TEX36: variants seen among roughly 807,000 people sequenced by gnomAD.
TEX36 encodes the protein testis expressed 36.
In TEX36, 12 loss-of-function variants were observed where a neutral mutation model predicts 13.6. The ratio of observed to expected loss-of-function variants is 0.88; its 90% CI spans 0.56 to 1.43. The LOEUF (loss-of-function observed/expected upper bound fraction) is 1.43. Among genes scored for constraint, TEX36 ranks in the 40% most tolerant of loss-of-function variants. TEX36 has a pLI of 0.00. For synonymous variants in TEX36, 93 were observed against 83.0 expected (o/e 1.12, Z -0.65); for missense variants, 224 against 228.3 (o/e 0.98, Z 0.12).
chr10:125,619,886 T>C (rs748012961), downstream of TEX36, among the ~76,000 whole-genome samples: 13 of 151,680 alleles, frequency 8.6e-5, no homozygotes, highest in Non-Finnish European at 1.8e-4. Context: ...AATATATATA[T>C]ATATGTGTGC....
In TEX36 at chr10:125,647,522, A is replaced by C. The variant is rs1846788574; in HGVS notation, c.264+13499T>G. On this transcript the variant is annotated intron_variant, in intron 3 of 3. Coordinates refer to the TEX36 transcript ENST00000526819. ...AACAAAAAACAACAAATTAGATAAA[A>C]CACTTGAAATACATTTGACACAGAG... Among the ~76,000 whole-genome samples, 7 of 152,228 alleles carry C rather than the reference A, an allele frequency of 4.6e-5. 1 individual carries two copies. In the South Asian group the frequency reaches 1.4e-3, roughly 32 times the overall value.
intron 3 of TEX36, among the ~76,000 whole-genome samples, chr10:125,603,876 G>T (rs867361597): frequency 2.0e-5 from 3 of 152,144 alleles, no homozygotes; most frequent in Admixed American, 6.5e-5. Context: ...AGAGGGAAAG[G>T]AGGCACTGGC....
chr10:125,601,063 C>T lies in TEX36; in HGVS notation c.265-24189G>A, dbSNP rs569871506. On this transcript the variant is annotated intron_variant, in intron 3 of 3. Transcript: ENST00000532135. ...ATGCATAAGTGTTGATTCAATTTTG[C>T]TCTCTGGTTGAAATAGAAGACTCAG... Among the ~76,000 whole-genome samples, 8 of 152,298 alleles carry T rather than the reference C, an allele frequency of 5.3e-5. No individual in the cohort carries two copies. The South Asian group carries it at 1.2e-3, about 24-fold the overall frequency.
intron 3 of TEX36, among the ~76,000 whole-genome samples, chr10:125,611,631 C>T (rs1225640034): frequency 6.6e-6 from 1 of 151,168 alleles, no homozygotes; most frequent in South Asian, 2.1e-4. Context: ...CTTGCCTAGG[C>T]TTATTGCAAA....
intron 1 of TEX36, among the ~76,000 whole-genome samples, chr10:125,680,138 G>A (rs1044176959): frequency 2.0e-5 from 3 of 152,054 alleles, no homozygotes; most frequent in African/African-American, 7.2e-5. Flanking sequence ...TATTTTTAGA[G>A]GTAAATATAA....
downstream of TEX36, among the ~76,000 whole-genome samples, chr10:125,654,511 T>C (rs1337500328): frequency 6.6e-6 from 1 of 152,184 alleles, no homozygotes; most frequent in Non-Finnish European, 1.5e-5. Context: ...GAAATGCCTA[T>C]CACATTGGCA....
chr10:125,652,239 A>G (rs1003098544), downstream of TEX36, among the ~76,000 whole-genome samples: 1 of 152,114 alleles, frequency 6.6e-6, no homozygotes, highest in Non-Finnish European at 1.5e-5. Context: ...CCTAACTTTG[A>G]ACTATACTAC....
In TEX36 at chr10:125,584,018, C is replaced by G. The variant is rs559165693; in HGVS notation, c.265-7144G>C. Among the ~76,000 whole-genome samples the G allele has an allele frequency of 2.3e-4, 35 of 152,310 alleles. 2 individuals are homozygous for G. In the South Asian group the frequency reaches 5.8e-3, roughly 25 times the overall value. ...GGAGTGACACTGTGGGAGCTTAGAG[C>G]AGGCCTCAGAGACATCAAATCTTCC... On this transcript the variant is annotated intron_variant, in intron 3 of 3. Coordinates refer to the TEX36 transcript ENST00000532135.
chr10:125,680,569 T>C (rs1347821006), intron 1 of TEX36, among the ~76,000 whole-genome samples: 2 of 152,188 alleles, frequency 1.3e-5, no homozygotes, highest in African/African-American at 4.8e-5. Context: ...AAGTCTTTCC[T>C]ACCTGGCAAT....
chr10:125,619,489 C>T (rs541567419), downstream of TEX36, among the ~76,000 whole-genome samples: 39 of 152,220 alleles, frequency 2.6e-4, no homozygotes, highest in African/African-American at 9.4e-4. Context: ...CGGACTATGC[C>T]TCATCATTTT....
At chr10:125,615,531 T>G (rs1368469003) in intron 3 of TEX36, among the ~76,000 whole-genome samples, 1 of 152,076 alleles carries the variant, frequency 6.6e-6, no homozygotes, top group African/African-American at 2.4e-5. Flanking sequence ...TCTGCATCTA[T>G]TGAGATAATC....
At chr10:125,634,257 C>T (rs1224665066) in intron 3 of TEX36, among the ~76,000 whole-genome samples, 1 of 152,074 alleles carries the variant, frequency 6.6e-6, no homozygotes, top group African/African-American at 2.4e-5. Flanking sequence ...TCAGCAGAGC[C>T]AGCAGAAGCC....
intron 3 of TEX36, among the ~76,000 whole-genome samples, chr10:125,600,324 G>C (rs962975879): frequency 6.6e-6 from 1 of 152,126 alleles, no homozygotes; most frequent in Non-Finnish European, 1.5e-5. Flanking sequence ...AGGGAGTAGA[G>C]ACTGGGGAGC....
chr10:125,625,720 A>C (rs1321645852), intron 3 of TEX36, among the ~76,000 whole-genome samples: 2 of 152,282 alleles, frequency 1.3e-5, no homozygotes, highest in Non-Finnish European at 2.9e-5. Context: ...AGCAAGGAAC[A>C]GAACGTTGCC....
intron 3 of TEX36, among the ~76,000 whole-genome samples, chr10:125,657,594 G>T (rs1172500958): frequency 6.6e-6 from 1 of 152,146 alleles, no homozygotes; most frequent in Non-Finnish European, 1.5e-5. Context: ...TGCTAATAAT[G>T]TGACTATGAA....
downstream of TEX36, among the ~76,000 whole-genome samples, chr10:125,616,796 T>C (rs1160688731): frequency 7.3e-6 from 1 of 136,648 alleles, no homozygotes; most frequent in Non-Finnish European, 1.6e-5. Context: ...AGATGTCTAT[T>C]AGGTCCACTT....
At chr10:125,631,919 C>G (rs1846562124) in intron 3 of TEX36, among the ~76,000 whole-genome samples, 1 of 152,036 alleles carries the variant, frequency 6.6e-6, no homozygotes, top group Admixed American at 6.6e-5. Context: ...GTCTTTTAAG[C>G]AGGAACACCA....
rs116722790 is a variant in TEX36 at position 125,576,588 on chromosome 10, T to A, written c.*161A>T. On this transcript the variant is annotated 3_prime_UTR_variant, in exon 4 of 4. Transcript: ENST00000532135. ...ACACAGGCAAGCAGAATAAGAGGAT[T>A]TCTCCATAGCTGGAAATTTATTTTT... is the stretch of plus-strand genomic sequence containing the variant. 187 of 1,026,390 alleles carry A rather than the reference T, an allele frequency of 1.8e-4. No homozygotes were observed. The African/African-American group carries it at 2.7e-3, about 15-fold the overall frequency. The allele number at this position is 1,026,390 out of a possible 1,614,324, so 63.6% of individuals were successfully genotyped here.
intron 3 of TEX36, among the ~76,000 whole-genome samples, chr10:125,659,516 G>T (rs1353064745): frequency 6.6e-6 from 1 of 152,106 alleles, no homozygotes; most frequent in Admixed American, 6.5e-5. Context: ...GACATATGTT[G>T]CTTTGGTTAT....
Sources: gnomAD v4.1 joint callset for allele counts (sites outside exome capture counted in the v4.1 genomes callset) on GRCh38, gnomAD v4.1.1 for gene constraint, MANE v1.5 for transcripts, NCBI Gene and HGNC (gene_info 2026-07-23, HGNC 2026-07-21) for gene names.